Variants in C7orf78 observed in about 807,000 individuals in gnomAD.
C7orf78 encodes chromosome 7 open reading frame 78, also known as putative uncharacterized protein C7orf78.
the C7orf78 span, among the ~76,000 whole-genome samples, chr7:12,509,943 A>C: frequency 6.6e-6 from 1 of 151,384 alleles, no homozygotes; most frequent in Non-Finnish European, 1.5e-5. Context: ...CTGAGGCATG[A>C]GAATCACTTG....
the C7orf78 span, among the ~76,000 whole-genome samples, chr7:12,536,650 A>G: frequency 6.6e-6 from 1 of 152,182 alleles, no homozygotes; most frequent in Non-Finnish European, 1.5e-5. Flanking sequence ...GTCAGGCTGC[A>G]AATTTTCTGA....
At chr7:12,524,137 T>C in the C7orf78 span, among the ~76,000 whole-genome samples, 11 of 152,204 alleles carry the variant, frequency 7.2e-5, no homozygotes, top group African/African-American at 2.7e-4. Flanking sequence ...GAGCATGGCT[T>C]CTAAGATCAG....
At chr7:12,528,797 C>G in the C7orf78 span, 1 of 396,180 alleles carries the variant, frequency 2.5e-6, no homozygotes. Flanking sequence ...TATCCAGCGA[C>G]TTACCACTCC....
At chr7:12,530,418 G>C in the C7orf78 span, 3 of 152,140 alleles carry the variant, frequency 2.0e-5, no homozygotes, top group Non-Finnish European at 4.4e-5. Flanking sequence ...TGCGACACTA[G>C]AGTCAGGCTG....
At chr7:12,506,037 C>T in the C7orf78 span, 2 of 152,740 alleles carry the variant, frequency 1.3e-5, no homozygotes, top group Non-Finnish European at 1.5e-5. Context: ...TGCTTCATTT[C>T]AGAACACAAT....
At chr7:12,497,646 G>C in the C7orf78 span, among the ~76,000 whole-genome samples, 1 of 151,998 alleles carries the variant, frequency 6.6e-6, no homozygotes, top group Non-Finnish European at 1.5e-5. Context: ...AGGCGGCAGC[G>C]AGGCTGGGGG....
At chr7:12,519,684 G>C in the C7orf78 span, among the ~76,000 whole-genome samples, 1 of 152,168 alleles carries the variant, frequency 6.6e-6, no homozygotes. Context: ...GTGCCCAGTG[G>C]CCACCTCCTT....
chr7:12,538,943 G>A, the C7orf78 span, among the ~76,000 whole-genome samples: 1 of 152,082 alleles, frequency 6.6e-6, no homozygotes. Context: ...TTGTACTAAA[G>A]GGCTCCACAG....
the C7orf78 span, among the ~76,000 whole-genome samples, chr7:12,492,848 T>C: frequency 6.6e-6 from 1 of 152,222 alleles, no homozygotes; most frequent in Non-Finnish European, 1.5e-5. Flanking sequence ...TGAATAGTCT[T>C]ACTTTAGGAA....
the C7orf78 span, among the ~76,000 whole-genome samples, chr7:12,493,308 G>A: frequency 2.0e-5 from 3 of 152,208 alleles, no homozygotes; most frequent in Non-Finnish European, 2.9e-5. Flanking sequence ...TTGCTGGGAT[G>A]AGGAAAAAAA....
the C7orf78 span, chr7:12,528,916 T>C: frequency 2.5e-6 from 1 of 398,444 alleles, no homozygotes; most frequent in Non-Finnish European, 4.4e-6. Flanking sequence ...TGGGTACCAG[T>C]TACCGAAAGA....
At chr7:12,514,458 G>A in the C7orf78 span, among the ~76,000 whole-genome samples, 1 of 151,812 alleles carries the variant, frequency 6.6e-6, no homozygotes, top group Non-Finnish European at 1.5e-5. Context: ...TTTCTTGTAA[G>A]CAGAATATAG....
chr7:12,494,372 T>C, the C7orf78 span, among the ~76,000 whole-genome samples: 113 of 152,200 alleles, frequency 7.4e-4, no homozygotes, highest in Non-Finnish European at 1.4e-3. Context: ...TCCCACTTAG[T>C]CAAGGGAGCA....
the C7orf78 span, chr7:12,484,156 G>C: frequency 1.3e-5 from 2 of 152,112 alleles, no homozygotes; most frequent in African/African-American, 4.8e-5. Context: ...CAAACTTCTT[G>C]AAGCAATTTG....
chr7:12,513,347 G>A, the C7orf78 span, among the ~76,000 whole-genome samples: 8 of 151,556 alleles, frequency 5.3e-5, 1 homozygote, highest in East Asian at 5.8e-4. Flanking sequence ...TTTGGTTGTC[G>A]TTGCTGCTGT....
chr7:12,540,343 G>A, the C7orf78 span, among the ~76,000 whole-genome samples: 1 of 152,160 alleles, frequency 6.6e-6, no homozygotes, highest in Non-Finnish European at 1.5e-5. Flanking sequence ...TAATACAGAA[G>A]GAAAAGTTGA....
At chr7:12,504,417 C>T in the C7orf78 span, 1 of 152,158 alleles carries the variant, frequency 6.6e-6, no homozygotes, top group African/African-American at 2.4e-5. Flanking sequence ...ATGAGCAAAA[C>T]TTAAATATAC....
At chr7:12,498,051 CAG>C in the C7orf78 span, among the ~76,000 whole-genome samples, 3 of 151,812 alleles carry the variant, frequency 2.0e-5, no homozygotes, top group South Asian at 4.2e-4. Flanking sequence ...AACTAACAAA[CAG>C]AAAGGACATC....
At chr7:12,535,943 G>C in the C7orf78 span, among the ~76,000 whole-genome samples, 5 of 152,210 alleles carry the variant, frequency 3.3e-5, no homozygotes, top group Non-Finnish European at 7.3e-5. Flanking sequence ...CCACTCCTGT[G>C]GCTTTGCAGG....
Sources: gnomAD v4.1 joint callset for allele counts (sites outside exome capture counted in the v4.1 genomes callset) on GRCh38, gnomAD v4.1.1 for gene constraint, MANE v1.5 for transcripts, NCBI Gene and HGNC (gene_info 2026-07-23, HGNC 2026-07-21) for gene names.